The following RPS6KC1 variants were observed in gnomAD, a reference collection of about 807,000 sequenced individuals.
The protein encoded by RPS6KC1 is ribosomal protein S6 kinase C1.
A neutral mutation model predicts 103.8 loss-of-function variants in RPS6KC1; 54 were observed. That is an observed-to-expected ratio of 0.52 (90% CI 0.42 to 0.65). The LOEUF is 0.65. Ranked by LOEUF, RPS6KC1 falls within the 30% of genes least tolerant of loss-of-function variation. The pLI, the probability that RPS6KC1 is intolerant of heterozygous loss-of-function variation, is 0.00. For missense variants in RPS6KC1, 1,151 were observed against 1,253.8 expected (o/e 0.92, Z 1.24); for synonymous variants, 439 against 438.7 (o/e 1.00, Z -0.01).
At chr1:213,853,194 G>T in the RPS6KC1 span, among the ~76,000 whole-genome samples, 1 of 152,336 alleles carries the variant, frequency 6.6e-6, no homozygotes, top group East Asian at 1.9e-4. Flanking sequence ...GCAGCCAGCA[G>T]ATGTGTATTA....
At chr1:213,305,948 A>G in the RPS6KC1 span, among the ~76,000 whole-genome samples, 1 of 152,216 alleles carries the variant, frequency 6.6e-6, no homozygotes, top group African/African-American at 2.4e-5. Flanking sequence ...ACTCCATTAC[A>G]AGTGACAGAC....
At chr1:213,707,333 C>G in the RPS6KC1 span, among the ~76,000 whole-genome samples, 148 of 152,078 alleles carry the variant, frequency 9.7e-4, no homozygotes, top group African/African-American at 3.4e-3. Context: ...GTTTATTGGC[C>G]GCATAAATGT....
At chr1:213,110,901 A>G (rs2082961500) in intron 4 of RPS6KC1, among the ~76,000 whole-genome samples, 1 of 149,342 alleles carries the variant, frequency 6.7e-6, no homozygotes, top group Admixed American at 6.7e-5. Flanking sequence ...CTTGCCATAT[A>G]TTTGGCCCTG....
the RPS6KC1 span, among the ~76,000 whole-genome samples, chr1:213,397,826 C>A: frequency 6.6e-6 from 1 of 152,080 alleles, no homozygotes; most frequent in Non-Finnish European, 1.5e-5. Flanking sequence ...GGAGAGGACA[C>A]CGTTTGGAAC....
At chr1:213,387,239 G>A in the RPS6KC1 span, among the ~76,000 whole-genome samples, 67 of 152,326 alleles carry the variant, frequency 4.4e-4, no homozygotes, top group African/African-American at 1.6e-3. Context: ...ATGCCAGACC[G>A]ACTCATATTT....
chr1:213,207,550 C>T (rs1169541172), intron 8 of RPS6KC1, among the ~76,000 whole-genome samples: 1 of 152,176 alleles, frequency 6.6e-6, no homozygotes, highest in Non-Finnish European at 1.5e-5. Context: ...GAGCTCCAAG[C>T]CCCTGACTCT....
chr1:213,547,141 A>G, the RPS6KC1 span, among the ~76,000 whole-genome samples: 1 of 152,102 alleles, frequency 6.6e-6, no homozygotes, highest in Non-Finnish European at 1.5e-5. Context: ...GTGAACTACC[A>G]TTTTCATCAC....
At chr1:213,653,459 C>CAA in the RPS6KC1 span, among the ~76,000 whole-genome samples, 25 of 146,340 alleles carry the variant, frequency 1.7e-4, no homozygotes, top group Middle Eastern at 3.7e-3. Context: ...GATCCTGTCT[C>CAA]AAAAAAAAAA....
chr1:213,527,666 T>G, the RPS6KC1 span, among the ~76,000 whole-genome samples: 1 of 152,214 alleles, frequency 6.6e-6, no homozygotes, highest in East Asian at 1.9e-4. Context: ...TTTTTAGCAT[T>G]TCTTTTTTAA....
At chr1:213,099,091 AT>A (rs1280262176) in intron 3 of RPS6KC1, among the ~76,000 whole-genome samples, 1 of 152,190 alleles carries the variant, frequency 6.6e-6, no homozygotes, top group Non-Finnish European at 1.5e-5. Context: ...TGAAATTTTG[AT>A]TATGTTGAAG....
chr1:213,208,952 A>T lies in RPS6KC1; in HGVS notation c.1045-21545A>T, dbSNP rs1246924018. 3.3e-5 allele frequency among the ~76,000 whole-genome samples: 5 copies of T among 152,016 alleles called. No individual in the cohort carries two copies. In the South Asian group the frequency reaches 1.0e-3, roughly 31 times the overall value. ...AATCTAAAACCTTTTCACAGTTTTA[A>T]GGGTAAAGTTTGAACTTCAAGCTAA... is the stretch of plus-strand genomic sequence containing the variant. On this transcript the variant is annotated intron_variant, in intron 8 of 14. Transcript: ENST00000366960.
chr1:213,376,681 G>T, the RPS6KC1 span, among the ~76,000 whole-genome samples: 1 of 152,202 alleles, frequency 6.6e-6, no homozygotes, highest in Non-Finnish European at 1.5e-5. Flanking sequence ...AGTGCAGAGA[G>T]TGGGCAGACA....
At chr1:213,714,661 C>T in the RPS6KC1 span, among the ~76,000 whole-genome samples, 1 of 152,238 alleles carries the variant, frequency 6.6e-6, no homozygotes, top group Non-Finnish European at 1.5e-5. Context: ...TGAATCCGTC[C>T]TCTGACCAAT....
the RPS6KC1 span, among the ~76,000 whole-genome samples, chr1:213,488,379 A>C: frequency 6.6e-6 from 1 of 152,198 alleles, no homozygotes; most frequent in Admixed American, 6.5e-5. Context: ...TATGTCCAAA[A>C]AAGCAAAAAG....
the RPS6KC1 span, among the ~76,000 whole-genome samples, chr1:213,765,841 A>G: frequency 3.9e-5 from 6 of 152,212 alleles, no homozygotes; most frequent in Non-Finnish European, 8.8e-5. Flanking sequence ...AAAAATTTTT[A>G]TAATATCATT....
At chr1:213,683,488 GA>G in the RPS6KC1 span, among the ~76,000 whole-genome samples, 1 of 152,078 alleles carries the variant, frequency 6.6e-6, no homozygotes, top group African/African-American at 2.4e-5. Context: ...ATACAGCCTG[GA>G]AAAGTACATT....
At chr1:213,077,322 A>G (rs942434954) in intron 2 of RPS6KC1, among the ~76,000 whole-genome samples, 2 of 152,182 alleles carry the variant, frequency 1.3e-5, no homozygotes, top group Non-Finnish European at 2.9e-5. Flanking sequence ...GTTTTTGAAG[A>G]GATGAAGTGA....
the RPS6KC1 span, among the ~76,000 whole-genome samples, chr1:213,692,473 G>A: frequency 6.6e-6 from 1 of 152,100 alleles, no homozygotes; most frequent in East Asian, 1.9e-4. Flanking sequence ...CAATTTGAGA[G>A]ATTCAAGCGT....
At chr1:213,085,417 T>C (rs1438695878) in intron 3 of RPS6KC1, among the ~76,000 whole-genome samples, 1 of 152,208 alleles carries the variant, frequency 6.6e-6, no homozygotes, top group African/African-American at 2.4e-5. Context: ...GTTCCAGGGA[T>C]TAGCTTTAGG....
Sources: gnomAD v4.1 joint callset for allele counts (sites outside exome capture counted in the v4.1 genomes callset) on GRCh38, gnomAD v4.1.1 for gene constraint, MANE v1.5 for transcripts, NCBI Gene and HGNC (gene_info 2026-07-23, HGNC 2026-07-21) for gene names.